KIAA1549L: variants seen among roughly 807,000 people sequenced by gnomAD.
KIAA1549L encodes KIAA1549 like.
KIAA1549L carries 88 observed loss-of-function variants against 160.7 expected under a neutral mutation model. The ratio of observed to expected loss-of-function variants is 0.55; its 90% CI spans 0.46 to 0.65. The LOEUF (loss-of-function observed/expected upper bound fraction) is 0.65, where lower values mean the gene tolerates loss of function less well. KIAA1549L is among the 30% of genes least tolerant of loss of function. KIAA1549L has a pLI of 0.00. For synonymous variants in KIAA1549L, 950 were observed against 976.7 expected, an observed-to-expected ratio of 0.97 and a Z score of 0.51; for missense variants, 2,258 against 2,437.5, an observed-to-expected ratio of 0.93 and a Z score of 1.55.
At chr11:33,547,912 A>T (rs376850385) in intron 4 of KIAA1549L, 33 bp downstream of exon 4, 112 of 1,377,516 alleles carry the variant, frequency 8.1e-5, no homozygotes, top group Non-Finnish European at 1.0e-4. Context: ...AAGCTAATCC[A>T]TCACAGTCTG....
chr11:33,403,286 C>CAA (rs1565121771), intron 1 of KIAA1549L: 1 of 56,124 alleles, frequency 1.8e-5, no homozygotes, highest in Non-Finnish European at 3.4e-5. Flanking sequence ...GACACAGACA[C>CAA]ACACACACAC....
intron 1 of KIAA1549L, among the ~76,000 whole-genome samples, chr11:33,534,249 A>ATT (rs57841189): frequency 9.1e-5 from 13 of 142,608 alleles, no homozygotes; most frequent in African/African-American, 3.1e-4. Flanking sequence ...CGCCCAGCTA[A>ATT]TTTTTTTTTT....
chr11:33,458,203 G>A (rs1851869588), intron 1 of KIAA1549L, among the ~76,000 whole-genome samples: 1 of 152,230 alleles, frequency 6.6e-6, no homozygotes, highest in Non-Finnish European at 1.5e-5. Context: ...AGGGCCAGGG[G>A]TCAGAGTGAG....
chr11:33,483,392 G>A (rs1852454116), intron 1 of KIAA1549L, among the ~76,000 whole-genome samples: 1 of 152,150 alleles, frequency 6.6e-6, no homozygotes, highest in Non-Finnish European at 1.5e-5. Flanking sequence ...AGTGATGTGG[G>A]TGGGTTGGGT....
intron 1 of KIAA1549L, among the ~76,000 whole-genome samples, chr11:33,457,809 C>A (rs976036725): frequency 6.6e-6 from 1 of 152,184 alleles, no homozygotes; most frequent in Non-Finnish European, 1.5e-5. Context: ...GTGGTATCAT[C>A]CTTAGACCTT....
chr11:33,493,770 T>A (rs567356184), intron 1 of KIAA1549L, among the ~76,000 whole-genome samples: 1 of 152,316 alleles, frequency 6.6e-6, no homozygotes, highest in Non-Finnish European at 1.5e-5. Flanking sequence ...GGTAACCAAG[T>A]GCCCTGTCCT....
rs1185871498 is a variant in KIAA1549L at position 33,598,923 on chromosome 11, A to G, written c.4855A>G (p.Lys1619Glu). 1 of 1,613,644 alleles carries G rather than the reference A, an allele frequency of 6.2e-7. No individual in the cohort carries two copies. Among genetic ancestry groups the G allele is most frequent in the South Asian group, 1.1e-5 (1 of 91,068 alleles). The change falls in exon 13 of 21, where the codon AAG (lysine) becomes GAG (glutamate). Residue 1619 changes from lysine (K) to glutamate (E), a missense_variant. Physicochemically the swap from Lys to Glu is moderately conservative, Grantham distance 56 (BLOSUM62 1). Transcript: ENST00000658780. ...TGTAATGGCACAGCAGAAAGTGACA[A>G]AGGAGGAGGCAAGGAAGAGAAATGG... ...QNVMAQQKVT[K>E]EEARKRNVPA... is the part of the protein sequence containing the mutation.
At chr11:33,581,097 C>T (rs1434174944) in intron 10 of KIAA1549L, among the ~76,000 whole-genome samples, 2 of 152,132 alleles carry the variant, frequency 1.3e-5, no homozygotes, top group Admixed American at 6.5e-5. Context: ...CACAGAAGAG[C>T]GGCCATGGTC....
chr11:33,497,707 AAAC>A (rs1287851144), intron 1 of KIAA1549L, among the ~76,000 whole-genome samples: 8 of 152,246 alleles, frequency 5.3e-5, no homozygotes, highest in Non-Finnish European at 1.5e-5. Flanking sequence ...GAACACAACA[AAAC>A]AAGGCAGTAT....
chr11:33,657,626 G>A (rs918345307), intron 18 of KIAA1549L, among the ~76,000 whole-genome samples: 3 of 152,072 alleles, frequency 2.0e-5, no homozygotes, highest in Non-Finnish European at 2.9e-5. Context: ...GTGAAACCCC[G>A]TCTACACTAA....
chr11:33,571,268 C>T (rs115460822), intron 9 of KIAA1549L, among the ~76,000 whole-genome samples: 13,873 of 152,012 alleles, frequency 0.091, 864 homozygotes, highest in East Asian at 0.32. Context: ...GGTGACAGAG[C>T]GAGACTCTGT....
chr11:33,442,216 A>G (rs1386797183), intron 1 of KIAA1549L, among the ~76,000 whole-genome samples: 1 of 152,196 alleles, frequency 6.6e-6, no homozygotes, highest in African/African-American at 2.4e-5. Flanking sequence ...GGTTTGTCAA[A>G]GGTCAGATAG....
chr11:33,554,505 C>T (rs1431270038), intron 6 of KIAA1549L, among the ~76,000 whole-genome samples: 1 of 152,200 alleles, frequency 6.6e-6, no homozygotes, highest in African/African-American at 2.4e-5. Flanking sequence ...CTCTCTCTTC[C>T]TGTCTTCGTT....
chr11:33,459,778 G>A (rs1253492849), intron 1 of KIAA1549L, among the ~76,000 whole-genome samples: 3 of 150,458 alleles, frequency 2.0e-5, no homozygotes, highest in Non-Finnish European at 3.0e-5. Context: ...CGGCTAAAAC[G>A]GTGAAACCCC....
intron 1 of KIAA1549L, among the ~76,000 whole-genome samples, chr11:33,475,909 C>A (rs947928103): frequency 1.3e-5 from 2 of 152,128 alleles, no homozygotes; most frequent in Non-Finnish European, 2.9e-5. Context: ...GCCTGCCCCC[C>A]ACCCAACTCC....
chr11:33,654,917 A>G (rs1169826413), intron 17 of KIAA1549L, among the ~76,000 whole-genome samples: 1 of 152,198 alleles, frequency 6.6e-6, no homozygotes, highest in African/African-American at 2.4e-5. Flanking sequence ...AGACTTCATT[A>G]TTCAGTTGAA....
chr11:33,435,757 A>AAG (rs202078714), intron 1 of KIAA1549L, among the ~76,000 whole-genome samples: 26,206 of 46,120 alleles, frequency 0.57, 7,862 homozygotes, highest in Admixed American at 0.7. Context: ...CAGAACCAAT[A>AAG]AGATATATAT....
intron 1 of KIAA1549L, among the ~76,000 whole-genome samples, chr11:33,394,520 G>A (rs1006915030): frequency 4.6e-5 from 7 of 152,194 alleles, no homozygotes; most frequent in African/African-American, 1.7e-4. Context: ...AGGTTCCCTT[G>A]AAATAGTCAG....
At chr11:33,413,300 G>A (rs951021876) in intron 1 of KIAA1549L, among the ~76,000 whole-genome samples, 2 of 150,014 alleles carry the variant, frequency 1.3e-5, no homozygotes, top group African/African-American at 2.5e-5. Flanking sequence ...AAGGCTGGGC[G>A]TGGTGGCATG....
Sources: allele counts gnomAD v4.1 joint callset (sites outside exome capture counted in the v4.1 genomes callset), GRCh38; gene constraint gnomAD v4.1.1; transcripts MANE v1.5; gene names NCBI Gene and HGNC (gene_info 2026-07-23, HGNC 2026-07-21).